Variants in ADGRL3 observed in about 807,000 individuals in gnomAD.
ADGRL3 encodes the protein adhesion G protein-coupled receptor L3, also known as calcium-independent alpha-latrotoxin receptor 3.
In ADGRL3, 62 loss-of-function variants were observed where a neutral mutation model predicts 153.5. That is an observed-to-expected ratio of 0.40 (90% CI 0.33 to 0.50). ADGRL3 has a LOEUF of 0.50. Among genes scored for constraint, ADGRL3 ranks in the 20% least tolerant of loss-of-function variants. The probability of loss-of-function intolerance (pLI) is 0.47; values close to 1 mark genes in which losing one functional copy is unlikely to be tolerated. For missense variants in ADGRL3, 1,641 were observed against 1,859.4 expected (o/e 0.88, Z 2.16); for synonymous variants, 710 against 672.5 (o/e 1.06, Z -0.86).
At chr4:61,612,212 G>C (rs1579851006) in intron 5 of ADGRL3, among the ~76,000 whole-genome samples, 1 of 152,162 alleles carries the variant, frequency 6.6e-6, no homozygotes, top group East Asian at 1.9e-4. Context: ...ATGAAAGCAA[G>C]TATAATACAA....
At chr4:61,594,603 C>T (rs1450954502) in intron 5 of ADGRL3, among the ~76,000 whole-genome samples, 1 of 152,142 alleles carries the variant, frequency 6.6e-6, no homozygotes, top group Non-Finnish European at 1.5e-5. Context: ...TCCCCTTACT[C>T]TCAAACATAT....
chr4:61,259,864 A>C (rs1026428362), intron 1 of ADGRL3, among the ~76,000 whole-genome samples: 1 of 152,168 alleles, frequency 6.6e-6, no homozygotes, highest in African/African-American at 2.4e-5. Context: ...GGCCTGTGAC[A>C]TATTAGATTT....
At chr4:61,341,841 C>T (rs998659563) in intron 1 of ADGRL3, among the ~76,000 whole-genome samples, 12 of 151,848 alleles carry the variant, frequency 7.9e-5, no homozygotes, top group African/African-American at 2.2e-4. Flanking sequence ...TTGATGCACT[C>T]GTGTTTGGTG....
At chr4:61,862,178 G>T (rs1195781646) in intron 9 of ADGRL3, among the ~76,000 whole-genome samples, 1 of 152,130 alleles carries the variant, frequency 6.6e-6, no homozygotes, top group Non-Finnish European at 1.5e-5. Context: ...TGACTTAGGG[G>T]GTTACCATGA....
chr4:61,455,626 T>C (rs1484927674), intron 2 of ADGRL3, among the ~76,000 whole-genome samples: 1 of 152,038 alleles, frequency 6.6e-6, no homozygotes, highest in Non-Finnish European at 1.5e-5. Flanking sequence ...AGTCTGCAAC[T>C]ACTGAACTCT....
chr4:62,040,968 G>A (rs1159807638), intron 24 of ADGRL3, among the ~76,000 whole-genome samples: 1 of 151,920 alleles, frequency 6.6e-6, no homozygotes, highest in Admixed American at 6.6e-5. Flanking sequence ...ACAGTTTGGA[G>A]AACTTACAAA....
intron 6 of ADGRL3, among the ~76,000 whole-genome samples, chr4:61,711,823 T>C (rs1388916910): frequency 1.3e-5 from 2 of 152,066 alleles, no homozygotes; most frequent in African/African-American, 4.8e-5. Flanking sequence ...AGTTACAGTC[T>C]ATTTACACAT....
At chr4:61,369,294 C>G (rs186874616) in intron 1 of ADGRL3, among the ~76,000 whole-genome samples, 2,988 of 152,282 alleles carry the variant, frequency 0.02, 103 homozygotes, top group African/African-American at 0.067. Flanking sequence ...GAGAGGGCAT[C>G]CCTGTCTTAT....
At chr4:61,676,008 T>C (rs1196291463) in intron 5 of ADGRL3, among the ~76,000 whole-genome samples, 1 of 151,816 alleles carries the variant, frequency 6.6e-6, no homozygotes, top group Non-Finnish European at 1.5e-5. Flanking sequence ...TACAGCTCCA[T>C]GGGTTTAATG....
Position 61,249,467 on chromosome 4 carries a change from G to A in ADGRL3, c.-240+47702G>A, listed in dbSNP as rs577248057. Among the ~76,000 whole-genome samples, 103 of 152,008 alleles carry A rather than the reference G, an allele frequency of 6.8e-4. 1 individual carries two copies. The highest frequency in any genetic ancestry group is 1.1e-3 in the Non-Finnish European group (76 of 67,994). On this transcript the variant is annotated intron_variant, in intron 1 of 26. Transcript: ENST00000683033. Reference sequence around the variant, plus strand: ...CCTCCTCCTGCATTTTGACTCTGGCGTTCATTCTCTGGATCACCTCACATT... The same window carrying A: ...CCTCCTCCTGCATTTTGACTCTGGCATTCATTCTCTGGATCACCTCACATT...
chr4:62,031,621 A>ATTC lies in ADGRL3; in HGVS notation c.3591+14_3591+16dup. On this transcript the variant is annotated intron_variant, in intron 23 of 26. Coordinates refer to ENST00000683033, the MANE Select transcript of ADGRL3 (RefSeq NM_001387552.1). ...GTCCTACAGAAGAAGGTAAGCTAGA[A>ATTC]TTCTTTTTTTAAAATAAAAATGGCA... 6.3e-7 allele frequency: 1 copy of ATTC among 1,580,808 alleles called. No individual in the cohort carries two copies. The highest frequency in any genetic ancestry group is 8.6e-7 in the Non-Finnish European group (1 of 1,158,756).
At chr4:61,232,322 T>G (rs1751006434) in intron 1 of ADGRL3, among the ~76,000 whole-genome samples, 1 of 152,132 alleles carries the variant, frequency 6.6e-6, no homozygotes, top group Non-Finnish European at 1.5e-5. Flanking sequence ...ATTTTTTTTT[T>G]TTTGAGACAA....
chr4:61,826,455 T>A (rs947429356), intron 9 of ADGRL3, among the ~76,000 whole-genome samples: 6 of 152,056 alleles, frequency 3.9e-5, no homozygotes, highest in African/African-American at 1.4e-4. Context: ...AAGGAAAGTA[T>A]AAATAAACAA....
intron 8 of ADGRL3, among the ~76,000 whole-genome samples, chr4:61,794,301 G>A (rs2097379812): frequency 6.6e-6 from 1 of 152,128 alleles, no homozygotes; most frequent in Admixed American, 6.5e-5. Context: ...TGGTCATTTT[G>A]CTCTCACAAG....
At chr4:61,546,792 C>CAA (rs565334609) in intron 4 of ADGRL3, among the ~76,000 whole-genome samples, 1 of 151,512 alleles carries the variant, frequency 6.6e-6, no homozygotes, top group East Asian at 1.9e-4. Context: ...GTGAATAGCA[C>CAA]AAAAAAAATT....
intron 1 of ADGRL3, among the ~76,000 whole-genome samples, chr4:61,321,332 T>C (rs965905634): frequency 1.2e-4 from 19 of 152,138 alleles, no homozygotes; most frequent in Admixed American, 3.9e-4. Context: ...CCTCTTACTA[T>C]GTCTGCACAT....
intron 5 of ADGRL3, among the ~76,000 whole-genome samples, chr4:61,622,866 C>G (rs1044067517): frequency 1.3e-5 from 2 of 152,078 alleles, no homozygotes; most frequent in Admixed American, 6.6e-5. Context: ...CTCCTTTCTC[C>G]TCAATGCCAA....
At chr4:61,244,217 G>A (rs1756145501) in intron 1 of ADGRL3, among the ~76,000 whole-genome samples, 1 of 151,948 alleles carries the variant, frequency 6.6e-6, no homozygotes, top group Non-Finnish European at 1.5e-5. Flanking sequence ...GTGTTTTACT[G>A]GTAAGAAAAA....
chr4:61,775,995 G>A (rs1005439609), intron 8 of ADGRL3: 1 of 162,380 alleles, frequency 6.2e-6, no homozygotes, highest in African/African-American at 2.4e-5. Flanking sequence ...CCGCCTCGAG[G>A]GTTCATGCCA....
Sources: gnomAD v4.1 joint callset for allele counts (sites outside exome capture counted in the v4.1 genomes callset) on GRCh38, gnomAD v4.1.1 for gene constraint, MANE v1.5 for transcripts, NCBI Gene and HGNC (gene_info 2026-07-23, HGNC 2026-07-21) for gene names.